Variants in THSD7B observed in about 807,000 individuals in gnomAD.
THSD7B encodes thrombospondin type-1 domain-containing protein 7B.
A neutral mutation model predicts 213.6 loss-of-function variants in THSD7B; 138 were observed. The observed-to-expected ratio is 0.65, with a 90% CI of 0.56 to 0.74. THSD7B has a LOEUF of 0.74. THSD7B is among the 30% of genes least tolerant of loss of function. The probability of loss-of-function intolerance (pLI) is 0.00; values close to 1 mark genes in which losing one functional copy is unlikely to be tolerated. For missense variants in THSD7B, 1,931 were observed against 1,991.5 expected, an observed-to-expected ratio of 0.97 and a Z score of 0.58; for synonymous variants, 742 against 687.0, an observed-to-expected ratio of 1.08 and a Z score of -1.25.
intron 12 of THSD7B, among the ~76,000 whole-genome samples, chr2:137,323,437 A>T (rs1375941056): frequency 6.6e-6 from 1 of 152,134 alleles, no homozygotes; most frequent in East Asian, 1.9e-4. Context: ...TCATAACCTT[A>T]CCACATCCTT....
chr2:137,015,546 T>C (rs769597442), intron 2 of THSD7B, among the ~76,000 whole-genome samples: 5 of 152,154 alleles, frequency 3.3e-5, no homozygotes, highest in South Asian at 4.2e-4. Context: ...CTGGGCTGAT[T>C]TCCCTGGACA....
chr2:137,473,460 G>A (rs1487306986), intron 15 of THSD7B, among the ~76,000 whole-genome samples: 2 of 152,046 alleles, frequency 1.3e-5, no homozygotes, highest in Non-Finnish European at 2.9e-5. Flanking sequence ...CGCCCGCCTC[G>A]GCCTCCCAAG....
At chr2:137,313,210 A>G (rs1004936744) in intron 12 of THSD7B, among the ~76,000 whole-genome samples, 6 of 152,178 alleles carry the variant, frequency 3.9e-5, no homozygotes, top group Non-Finnish European at 8.8e-5. Flanking sequence ...ATGCATATAT[A>G]TTTAGGATAG....
At chr2:137,211,620 G>C (rs530419654) in intron 7 of THSD7B, among the ~76,000 whole-genome samples, 1 of 152,020 alleles carries the variant, frequency 6.6e-6, no homozygotes, top group East Asian at 1.9e-4. Flanking sequence ...TGCTGACTTG[G>C]AACAACCCAT....
chr2:136,920,527 C>A (rs1440489299), intron 2 of THSD7B, among the ~76,000 whole-genome samples: 4 of 152,200 alleles, frequency 2.6e-5, no homozygotes, highest in Non-Finnish European at 4.4e-5. Context: ...TGGCCATGGG[C>A]AGACCTGGAA....
In THSD7B at chr2:136,855,175, A is replaced by AT. The variant is rs564139476; in HGVS notation, c.-35-26962dup. 9.9e-5 allele frequency among the ~76,000 whole-genome samples: 15 copies of AT among 152,104 alleles called. 1 individual carries two copies. In the East Asian group the frequency reaches 1.7e-3, roughly 18 times the overall value. On this transcript the variant is annotated intron_variant, in intron 1 of 27. Transcript: ENST00000409968. ...TGGTTTTCTGTATATTTATGTATGC[A>AT]TTTTTTTGACTTGAATATTATTTAC...
intron 10 of THSD7B, among the ~76,000 whole-genome samples, chr2:137,258,849 T>A (rs559735335): frequency 8.1e-4 from 119 of 147,130 alleles, no homozygotes; most frequent in Non-Finnish European, 1.3e-3. Flanking sequence ...CCCCAACCCC[T>A]GACAGGCCCT....
At chr2:136,860,732 G>A (rs1683245543) in intron 1 of THSD7B, among the ~76,000 whole-genome samples, 1 of 152,100 alleles carries the variant, frequency 6.6e-6, no homozygotes, top group Non-Finnish European at 1.5e-5. Context: ...TCTTAACACA[G>A]CATCTCGAGA....
chr2:137,270,318 G>A (rs1298968243), intron 10 of THSD7B, among the ~76,000 whole-genome samples: 1 of 152,070 alleles, frequency 6.6e-6, no homozygotes, highest in Admixed American at 6.6e-5. Context: ...GCCCATCTCT[G>A]GGTATAAAGC....
intron 1 of THSD7B, among the ~76,000 whole-genome samples, chr2:136,873,169 G>A (rs1159095862): frequency 6.6e-6 from 1 of 151,910 alleles, no homozygotes; most frequent in Non-Finnish European, 1.5e-5. Context: ...GCAAAAGTTT[G>A]TTAAGAGGTA....
At position 137,160,381 on chromosome 2, in the gene THSD7B, T is replaced by C; in HGVS notation, c.1525+13T>C. ...CAGGGGAAAAAAGGTGAGTGCCTTG[T>C]TTGCATGCGCTTCATTTGCTGTCAG... On this transcript the variant is annotated intron_variant, in intron 6 of 27. Transcript: ENST00000409968. The C allele has an allele frequency of 6.2e-7, 1 of 1,610,624 alleles. No individual in the cohort carries two copies. The highest frequency in any genetic ancestry group is 1.1e-5 in the South Asian group (1 of 90,282).
intron 4 of THSD7B, among the ~76,000 whole-genome samples, chr2:137,100,645 A>T (rs2104924361): frequency 6.6e-6 from 1 of 152,300 alleles, no homozygotes; most frequent in East Asian, 1.9e-4. Context: ...CTCACCAAAC[A>T]TTGAAGGAAT....
intron 2 of THSD7B, among the ~76,000 whole-genome samples, chr2:136,887,300 T>TTGTGTGTG (rs3084772): frequency 0.16 from 23,966 of 148,420 alleles, 2,064 homozygotes; most frequent in Non-Finnish European, 0.2. Context: ...TCCATATTTG[T>TTGTGTGTG]TGTGTGTGTG....
At chr2:137,477,371 T>G (rs541690573) in intron 15 of THSD7B, among the ~76,000 whole-genome samples, 1 of 152,300 alleles carries the variant, frequency 6.6e-6, no homozygotes, top group Admixed American at 6.5e-5. Context: ...TTTCCATTCC[T>G]TTACTTGAAG....
chr2:137,385,683 C>T (rs1464059365), intron 12 of THSD7B, among the ~76,000 whole-genome samples: 1 of 152,142 alleles, frequency 6.6e-6, no homozygotes, highest in Admixed American at 6.5e-5. Flanking sequence ...TGTCCACACA[C>T]ACGTGCAAAA....
intron 15 of THSD7B, among the ~76,000 whole-genome samples, chr2:137,555,190 G>A (rs1018372269): frequency 2.6e-5 from 4 of 152,208 alleles, no homozygotes; most frequent in African/African-American, 7.2e-5. Context: ...GCTTTGAAGA[G>A]AGTAGTGGTT....
chr2:137,166,730 A>C (rs1478480625), intron 6 of THSD7B, among the ~76,000 whole-genome samples: 1 of 152,186 alleles, frequency 6.6e-6, no homozygotes, highest in Non-Finnish European at 1.5e-5. Flanking sequence ...AAAATGGGGG[A>C]TATTTCCATT....
intron 2 of THSD7B, among the ~76,000 whole-genome samples, chr2:137,039,335 A>G (rs1686836068): frequency 6.6e-6 from 1 of 152,178 alleles, no homozygotes; most frequent in African/African-American, 2.4e-5. Flanking sequence ...AATAGTCTAT[A>G]TTAGTGGTTC....
chr2:137,369,743 A>G (rs1685502552), intron 12 of THSD7B, among the ~76,000 whole-genome samples: 1 of 152,148 alleles, frequency 6.6e-6, no homozygotes, highest in Non-Finnish European at 1.5e-5. Flanking sequence ...GACCTCTGCT[A>G]TCAACAGAGT....
Sources: allele counts gnomAD v4.1 joint callset (sites outside exome capture counted in the v4.1 genomes callset), GRCh38; gene constraint gnomAD v4.1.1; transcripts MANE v1.5; gene names NCBI Gene and HGNC (gene_info 2026-07-23, HGNC 2026-07-21).